Variants in SNX27 observed in about 807,000 individuals in gnomAD.
SNX27 encodes the protein sorting nexin-27.
In SNX27, 22 loss-of-function variants were observed where a neutral mutation model predicts 71.6. The observed-to-expected ratio is 0.31, with a 90% CI of 0.22 to 0.44. SNX27 has a LOEUF of 0.44. Among genes scored for constraint, SNX27 ranks in the 20% least tolerant of loss-of-function variants. The pLI is 1.00. For synonymous variants in SNX27, 269 were observed against 277.2 expected (o/e 0.97, Z 0.29); for missense variants, 531 against 698.6 (o/e 0.76, Z 2.70).
intron 2 of SNX27, among the ~76,000 whole-genome samples, chr1:151,647,132 C>CT (rs56999871): frequency 0.91 from 118,660 of 130,268 alleles, 54,495 homozygotes; most frequent in Non-Finnish European, 0.98. Context: ...ATCTCTATTA[C>CT]TTTTTTTTTT....
chr1:151,614,154 G>A (rs1571745859), intron 1 of SNX27: 1 of 149,068 alleles, frequency 6.7e-6, no homozygotes, highest in Admixed American at 6.7e-5. Flanking sequence ...GAAATGGTTG[G>A]TTTTAACCTG....
intron 8 of SNX27, among the ~76,000 whole-genome samples, chr1:151,688,631 C>CA (rs34779390): frequency 0.48 from 56,463 of 116,540 alleles, 12,426 homozygotes; most frequent in East Asian, 0.66. Context: ...GACTCTGTCT[C>CA]AAAAAAAAAA....
At chr1:151,630,127 AC>A (rs1668154044) in intron 1 of SNX27, among the ~76,000 whole-genome samples, 2 of 151,684 alleles carry the variant, frequency 1.3e-5, no homozygotes, top group African/African-American at 4.8e-5. Flanking sequence ...AAAAAAAGAA[AC>A]TTTTTTGTGT....
At chr1:151,624,408 T>TA (rs1326294378) in intron 1 of SNX27, among the ~76,000 whole-genome samples, 3 of 85,184 alleles carry the variant, frequency 3.5e-5, no homozygotes, top group Admixed American at 1.0e-4. Flanking sequence ...ATAGCTTGAT[T>TA]TTATATATAT....
chr1:151,621,061 G>C (rs752288209), intron 1 of SNX27, among the ~76,000 whole-genome samples: 22 of 152,064 alleles, frequency 1.4e-4, no homozygotes, highest in Non-Finnish European at 2.9e-4. Flanking sequence ...GACTGAAGAC[G>C]GGGGGGAAAC....
chr1:151,658,338 T>C lies in SNX27; in HGVS notation c.647T>C (p.Phe216Ser). Reference sequence around the variant, plus strand: ...AAGAGAGAGTTTGCCAACTTTACATTTCCTCGACTCCCAGGGAAGTGGCCA... The same window carrying C: ...AAGAGAGAGTTTGCCAACTTTACATCTCCTCGACTCCCAGGGAAGTGGCCA... ...NLKREFANFT[F>S]PRLPGKWPFS... Residue 216 changes from phenylalanine to serine, a missense_variant, in exon 3 of 12, where the codon TTT becomes TCT. Phe to Ser is a radical substitution (Grantham distance 155). Coordinates refer to ENST00000458013, the MANE Select transcript of SNX27 (RefSeq NM_001330723.2). The C allele has an allele frequency of 6.2e-7, 1 of 1,614,126 alleles. No homozygotes were observed. The highest frequency in any genetic ancestry group is 8.5e-7 in the Non-Finnish European group (1 of 1,180,010).
chr1:151,651,762 C>T (rs1428516451), intron 2 of SNX27, among the ~76,000 whole-genome samples: 1 of 151,914 alleles, frequency 6.6e-6, no homozygotes, highest in African/African-American at 2.4e-5. Context: ...AGATGATGGG[C>T]GGCCAGGCAG....
At chr1:151,658,034 C>T (rs901303146) in intron 2 of SNX27, among the ~76,000 whole-genome samples, 1 of 152,024 alleles carries the variant, frequency 6.6e-6, no homozygotes, top group African/African-American at 2.4e-5. Flanking sequence ...CAAGATCATG[C>T]TCCTTTGGTA....
At position 151,688,013 on chromosome 1, in the gene SNX27, T is replaced by C. The variant is rs1195207300; in HGVS notation, c.1240-4422T>C. Reference sequence around the variant, plus strand: ...CTATGTCTGTATTTATTTGTCTTGCTGAATATTGAACATTTATAAAATATC... The same window carrying C: ...CTATGTCTGTATTTATTTGTCTTGCCGAATATTGAACATTTATAAAATATC... On this transcript the variant is annotated intron_variant, in intron 8 of 11. Transcript: ENST00000458013. 1.3e-5 allele frequency among the ~76,000 whole-genome samples: 2 copies of C among 151,692 alleles called. 1 individual carries two copies. Among genetic ancestry groups the C allele is most frequent in the East Asian group, 3.9e-4 (2 of 5,170 alleles).
At position 151,668,500 on chromosome 1, in the gene SNX27, T is replaced by A; in HGVS notation, c.1014T>A (p.Pro338=). The part of the protein sequence containing the change: ...FVRKLAPNEF[P]HKLYIQNYTS... ...GTAAATTGGCACCTAATGAGTTTCC[T>A]CACAAACTCTACATTCAGAATTATA... Residue 338 remains proline (P), a synonymous_variant, in exon 7 of 12, where the codon CCT becomes CCA. Transcript: ENST00000458013. 6.2e-7 allele frequency: 1 copy of A among 1,613,230 alleles called. No homozygotes were observed. The highest frequency in any genetic ancestry group is 8.5e-7 in the Non-Finnish European group (1 of 1,179,726).
At chr1:151,658,716 G>A (rs796510351) in intron 3 of SNX27, among the ~76,000 whole-genome samples, 7 of 152,078 alleles carry the variant, frequency 4.6e-5, no homozygotes, top group African/African-American at 1.7e-4. Context: ...ACGGAGTCTC[G>A]CTCTGTCGCC....
rs1671522717 is a variant in SNX27 at position 151,692,893 on chromosome 1, C to T, written c.1390-18C>T. The T allele has an allele frequency of 6.2e-7, 1 of 1,613,964 alleles. No homozygotes were observed. Among genetic ancestry groups the T allele is most frequent in the Admixed American group, 1.7e-5 (1 of 59,988 alleles). On this transcript the variant is annotated intron_variant, in intron 9 of 11. Coordinates refer to ENST00000458013, the MANE Select transcript of SNX27 (RefSeq NM_001330723.2). ...TGAAACACAGACTGTACCTTACTCC[C>T]TTGTCTTGGTTGTCCAGAACCAGGT... is the stretch of plus-strand genomic sequence containing the variant.
At chr1:151,615,213 T>C (rs1264131922) in intron 1 of SNX27, among the ~76,000 whole-genome samples, 1 of 152,244 alleles carries the variant, frequency 6.6e-6, no homozygotes, top group African/African-American at 2.4e-5. Flanking sequence ...CATTGGTTTC[T>C]CACTCTTCCA....
intron 8 of SNX27, among the ~76,000 whole-genome samples, chr1:151,687,275 A>G (rs965646389): frequency 6.6e-6 from 1 of 152,194 alleles, no homozygotes; most frequent in Admixed American, 6.5e-5. Context: ...TTGATTTCAC[A>G]CAAGGCAGCA....
intron 1 of SNX27, among the ~76,000 whole-genome samples, chr1:151,633,611 T>A (rs1400129964): frequency 1.3e-5 from 2 of 152,154 alleles, no homozygotes; most frequent in African/African-American, 4.8e-5. Context: ...TGTGCCCCTT[T>A]GCATTCAGTA....
intron 6 of SNX27, among the ~76,000 whole-genome samples, chr1:151,667,922 G>T (rs1670283437): frequency 6.6e-6 from 1 of 151,124 alleles, no homozygotes; most frequent in African/African-American, 2.4e-5. Context: ...AGTTGGTGCT[G>T]TTTGCAGAGT....
intron 1 of SNX27, among the ~76,000 whole-genome samples, chr1:151,625,572 C>T (rs1351995923): frequency 6.6e-6 from 1 of 151,296 alleles, no homozygotes; most frequent in Non-Finnish European, 1.5e-5. Context: ...TGTGGTGGCT[C>T]ATGCCTGTAA....
chr1:151,643,429 G>T (rs1439594651), intron 2 of SNX27, among the ~76,000 whole-genome samples: 2 of 145,472 alleles, frequency 1.4e-5, no homozygotes, highest in Non-Finnish European at 3.0e-5. Context: ...CCAGCAGCTG[G>T]GACTACAGGC....
At chr1:151,654,133 C>G (rs1461361911) in intron 2 of SNX27, among the ~76,000 whole-genome samples, 1 of 152,072 alleles carries the variant, frequency 6.6e-6, no homozygotes, top group Non-Finnish European at 1.5e-5. Flanking sequence ...GCCCGGCCGA[C>G]CCTGGAGGGT....
Sources: gnomAD v4.1 joint callset for allele counts (sites outside exome capture counted in the v4.1 genomes callset) on GRCh38, gnomAD v4.1.1 for gene constraint, MANE v1.5 for transcripts, NCBI Gene and HGNC (gene_info 2026-07-23, HGNC 2026-07-21) for gene names.